ROBO2: variants seen among roughly 807,000 people sequenced by gnomAD.
ROBO2 encodes the protein roundabout guidance receptor 2.
In ROBO2, 53 loss-of-function variants were observed where a neutral mutation model predicts 160.8. The ratio of observed to expected loss-of-function variants is 0.33; its 90% CI spans 0.26 to 0.41. ROBO2 has a LOEUF of 0.41. Ranked by LOEUF, ROBO2 falls within the 10% of genes least tolerant of loss-of-function variation. ROBO2 has a pLI of 1.00. For missense variants in ROBO2, 1,577 were observed against 1,722.4 expected (o/e 0.92, Z 1.49); for synonymous variants, 664 against 611.7 (o/e 1.09, Z -1.26).
At chr3:76,167,050 C>A (rs2106961218) in intron 2 of ROBO2, among the ~76,000 whole-genome samples, 1 of 152,204 alleles carries the variant, frequency 6.6e-6, no homozygotes, top group African/African-American at 2.4e-5. Flanking sequence ...AAGTGATTCT[C>A]CCACCTCAGC....
intron 2 of ROBO2, among the ~76,000 whole-genome samples, chr3:76,269,892 C>A (rs1408219728): frequency 1.3e-5 from 2 of 151,932 alleles, no homozygotes; most frequent in Non-Finnish European, 2.9e-5. Flanking sequence ...AAGGATGGAT[C>A]TTTGCTTTTC....
intron 2 of ROBO2, among the ~76,000 whole-genome samples, chr3:76,297,706 TAAAAAAA>T (rs71277576): frequency 1.2e-4 from 7 of 56,660 alleles, no homozygotes; most frequent in Admixed American, 1.9e-4. Flanking sequence ...CTGCTTTCCT[TAAAAAAA>T]AAAAAAAAAA....
chr3:77,418,243 C>A (rs1241378976), intron 2 of ROBO2, among the ~76,000 whole-genome samples: 1 of 152,086 alleles, frequency 6.6e-6, no homozygotes, highest in Non-Finnish European at 1.5e-5. Flanking sequence ...TGGATAGGTA[C>A]TTTGCTTGAG....
intron 1 of ROBO2, among the ~76,000 whole-genome samples, chr3:77,053,855 C>T (rs2065453647): frequency 6.6e-6 from 1 of 151,838 alleles, no homozygotes; most frequent in Non-Finnish European, 1.5e-5. Flanking sequence ...CTGAAAGGGC[C>T]CTGGGGATAA....
chr3:77,614,351 C>A (rs1022441851), intron 21 of ROBO2, among the ~76,000 whole-genome samples: 7 of 152,038 alleles, frequency 4.6e-5, no homozygotes, highest in African/African-American at 1.7e-4. Flanking sequence ...TTTTTTAGAG[C>A]AATATGTTCT....
intron 2 of ROBO2, among the ~76,000 whole-genome samples, chr3:76,265,804 C>T (rs921806537): frequency 6.6e-6 from 1 of 152,066 alleles, no homozygotes; most frequent in African/African-American, 2.4e-5. Context: ...TTTAATACAT[C>T]TTTAACAGAA....
chr3:76,684,711 A>G (rs2092646807), intron 2 of ROBO2, among the ~76,000 whole-genome samples: 1 of 152,198 alleles, frequency 6.6e-6, no homozygotes, highest in South Asian at 2.1e-4. Context: ...TAAACAAAAT[A>G]AAAACATGTT....
Position 77,423,135 on chromosome 3 carries a change from A to G in ROBO2, c.389-54279A>G, listed in dbSNP as rs537256670. On this transcript the variant is annotated intron_variant, in intron 2 of 25. Transcript: ENST00000461745. ...CTCATTGGACCAAAAGCATCAAAATATATTTTATGTAAATGAGGACCCTAC... is the reference window on the plus strand; with the variant it reads ...CTCATTGGACCAAAAGCATCAAAATGTATTTTATGTAAATGAGGACCCTAC... Among the ~76,000 whole-genome samples, 3 of 152,300 alleles carry G rather than the reference A, an allele frequency of 2.0e-5. No individual in the cohort carries two copies. In the East Asian group the frequency reaches 5.8e-4, roughly 29 times the overall value.
chr3:77,185,653 C>G (rs1263636527), intron 2 of ROBO2, among the ~76,000 whole-genome samples: 2 of 152,010 alleles, frequency 1.3e-5, no homozygotes, highest in African/African-American at 4.8e-5. Flanking sequence ...GGTGATCTCA[C>G]TACTGGGTGT....
chr3:76,360,638 C>T (rs2075456904), intron 2 of ROBO2, among the ~76,000 whole-genome samples: 1 of 152,006 alleles, frequency 6.6e-6, no homozygotes, highest in African/African-American at 2.4e-5. Flanking sequence ...TAGCATTGTA[C>T]TCAATTAAAA....
intron 2 of ROBO2, among the ~76,000 whole-genome samples, chr3:76,191,970 T>C (rs1248174757): frequency 2.6e-5 from 4 of 152,068 alleles, no homozygotes; most frequent in African/African-American, 7.2e-5. Flanking sequence ...TCAACTTACC[T>C]GTCTTCACTT....
Position 77,590,225 on chromosome 3 carries a change from C to T in ROBO2, c.2683+1292C>T, listed in dbSNP as rs74666444. Reference sequence around the variant, plus strand: ...ACTAGAGAAAGTACTACAGCATATCCATTGACAAGAGGCTTCCATGTTTGG... The same window carrying T: ...ACTAGAGAAAGTACTACAGCATATCTATTGACAAGAGGCTTCCATGTTTGG... On this transcript the variant is annotated intron_variant, in intron 17 of 25. Coordinates refer to ENST00000461745, the Ensembl canonical transcript of ROBO2. Among the ~76,000 whole-genome samples, 323 of 152,170 alleles carry T rather than the reference C, an allele frequency of 2.1e-3. 2 individuals are homozygous for T. Among genetic ancestry groups the T allele is most frequent in the African/African-American group, 7.5e-3 (310 of 41,542 alleles).
intron 2 of ROBO2, among the ~76,000 whole-genome samples, chr3:76,629,330 C>T (rs115383993): frequency 0.01 from 1,523 of 152,180 alleles, 11 homozygotes; most frequent in Middle Eastern, 0.024. Context: ...AGGGACAGAA[C>T]TAATAGATGT....
intron 2 of ROBO2, among the ~76,000 whole-genome samples, chr3:76,858,453 C>G (rs1256786711): frequency 6.6e-6 from 1 of 152,086 alleles, no homozygotes. Flanking sequence ...TTAATAGAAC[C>G]AGAATTTCTT....
chr3:76,408,756 T>C (rs1318009100), intron 2 of ROBO2, among the ~76,000 whole-genome samples: 1 of 152,098 alleles, frequency 6.6e-6, no homozygotes, highest in African/African-American at 2.4e-5. Flanking sequence ...CTGTTAATAC[T>C]CATCCTCTAT....
intron 2 of ROBO2, among the ~76,000 whole-genome samples, chr3:76,386,237 A>G (rs1254578420): frequency 6.6e-6 from 1 of 152,062 alleles, no homozygotes; most frequent in Non-Finnish European, 1.5e-5. Flanking sequence ...AGTTTCACCT[A>G]TGCTCAGAAG....
chr3:76,224,184 C>G (rs1048127891), intron 2 of ROBO2, among the ~76,000 whole-genome samples: 44 of 152,010 alleles, frequency 2.9e-4, no homozygotes, highest in African/African-American at 1.0e-3. Context: ...AAGAGGGGTT[C>G]TAGAAGAAAA....
chr3:76,850,450 G>T (rs573817147), intron 2 of ROBO2, among the ~76,000 whole-genome samples: 2 of 152,192 alleles, frequency 1.3e-5, no homozygotes, highest in South Asian at 4.1e-4. Context: ...AGCTTTGACC[G>T]ATGGAAGCGG....
In ROBO2 at chr3:76,694,646, C is replaced by T. The variant is rs148103428; in HGVS notation, c.110-403368C>T. On this transcript the variant is annotated intron_variant, in intron 2 of 26. Transcript: ENST00000487694. ...CTTGTAAAAAAAGGGTATCTTTTAACTATTTAATTTTGAAATGTACTTTTA... is the reference window on the plus strand; with the variant it reads ...CTTGTAAAAAAAGGGTATCTTTTAATTATTTAATTTTGAAATGTACTTTTA... 2.6e-3 allele frequency among the ~76,000 whole-genome samples: 403 copies of T among 152,176 alleles called. 5 individuals are homozygous for T. Among genetic ancestry groups the T allele is most frequent in the African/African-American group, 9.4e-3 (390 of 41,526 alleles).
Sources: allele counts gnomAD v4.1 joint callset (sites outside exome capture counted in the v4.1 genomes callset), GRCh38; gene constraint gnomAD v4.1.1; transcripts MANE v1.5; gene names NCBI Gene and HGNC (gene_info 2026-07-23, HGNC 2026-07-21).